Variants in SPP2 observed in about 807,000 individuals in gnomAD.
SPP2 encodes secreted phosphoprotein 24.
In SPP2, 34 loss-of-function variants were observed where a neutral mutation model predicts 28.8. The ratio of observed to expected loss-of-function variants is 1.18; its 90% CI spans 0.90 to 1.57. The LOEUF (loss-of-function observed/expected upper bound fraction) is 1.57. SPP2 is among the 40% of genes most tolerant of loss of function. SPP2 has a pLI of 0.00. For missense variants in SPP2, 269 were observed against 263.9 expected, an observed-to-expected ratio of 1.02 and a Z score of -0.13; for synonymous variants, 96 against 89.4, an observed-to-expected ratio of 1.07 and a Z score of -0.42.
In SPP2 at chr2:234,058,953, T is replaced by G. The variant is rs200097563; in HGVS notation, c.328T>G (p.Tyr110Asp). 784 of 1,613,112 alleles carry G rather than the reference T, an allele frequency of 4.9e-4. No individual in the cohort carries two copies. Among genetic ancestry groups the G allele is most frequent in the Non-Finnish European group, 6.2e-4 (737 of 1,179,648 alleles). Residue 110 changes from tyrosine to aspartate, a missense_variant, in exon 3 of 8, where the codon TAT (tyrosine) becomes GAT (aspartate). By Grantham distance (160) the Tyr-to-Asp change is radical. Coordinates refer to ENST00000168148, the MANE Select transcript of SPP2 (RefSeq NM_006944.3). The stretch of plus-strand genomic sequence containing the variant: ...TACATGTGCCTTCCAGAGGGACTAC[T>G]ATGTGGTAAGTGGGAGGAGACCCAT... ...PATCAFQRDY[Y>D]VSTAVCRSTV...
intron 4 of SPP2, among the ~76,000 whole-genome samples, chr2:234,061,592 T>A (rs1009927258): frequency 2.0e-5 from 3 of 152,234 alleles, no homozygotes; most frequent in Non-Finnish European, 4.4e-5. Context: ...TACATTAAAA[T>A]ATTATAAAAT....
rs931698723 is a variant in SPP2, at chr2:234,077,037, G to A, written c.*203G>A. On this transcript the variant is annotated 3_prime_UTR_variant, in exon 8 of 8. Coordinates refer to ENST00000168148, the MANE Select transcript of SPP2 (RefSeq NM_006944.3). ...TTTCTCTTAACAGCAAAATGCAATG[G>A]AAGGAAGAAAAGTTCCAACAAAGAA... 4.6e-5 allele frequency: 7 copies of A among 152,126 alleles called. No individual in the cohort carries two copies. Among genetic ancestry groups the A allele is most frequent in the Non-Finnish European group, 1.0e-4 (7 of 68,026 alleles). 9.4% of individuals were successfully genotyped at this position (152,126 alleles called of 1,614,324 possible).
chr2:234,057,415 A>G (rs1047948089), intron 2 of SPP2, among the ~76,000 whole-genome samples: 3 of 152,152 alleles, frequency 2.0e-5, no homozygotes, highest in Admixed American at 6.5e-5. Context: ...GCTTCTTCCC[A>G]TCCTTCAAGG....
At chr2:234,060,764 CACACACGCACACAT>C (rs1251295247) in intron 4 of SPP2, among the ~76,000 whole-genome samples, 7 of 147,030 alleles carry the variant, frequency 4.8e-5, no homozygotes, top group East Asian at 1.9e-4. Flanking sequence ...CACACACATG[CACACACGCACACAT>C]ACACACGCAC....
chr2:234,076,174 C>T (rs1158261855), intron 7 of SPP2, among the ~76,000 whole-genome samples: 3 of 152,108 alleles, frequency 2.0e-5, no homozygotes, highest in African/African-American at 7.2e-5. Context: ...CAACAGTCCT[C>T]GCCCACACAC....
intron 2 of SPP2, among the ~76,000 whole-genome samples, chr2:234,055,492 G>C (rs901386242): frequency 2.0e-5 from 3 of 152,136 alleles, no homozygotes; most frequent in Non-Finnish European, 2.9e-5. Context: ...AAATATCTGG[G>C]CACCATGGTT....
chr2:234,057,228 C>T (rs546645633), intron 2 of SPP2, among the ~76,000 whole-genome samples: 1 of 152,246 alleles, frequency 6.6e-6, no homozygotes, highest in East Asian at 1.9e-4. Context: ...TAGCATCTCG[C>T]TGCAGTGAGA....
intron 3 of SPP2, 88 bp downstream of exon 3, chr2:234,059,046 G>A (rs1271548974): frequency 8.7e-6 from 13 of 1,488,832 alleles, no homozygotes; most frequent in Middle Eastern, 3.6e-4. Context: ...GAACTTGGTC[G>A]CTGCCTGGCT....
chr2:234,059,826 A>T (rs1693682232), intron 3 of SPP2, among the ~76,000 whole-genome samples: 1 of 152,218 alleles, frequency 6.6e-6, no homozygotes, highest in South Asian at 2.1e-4. Context: ...ACCCATGGGC[A>T]ATAATCCCAT....
chr2:234,065,380 A>G (rs1459495615), intron 4 of SPP2, among the ~76,000 whole-genome samples: 2 of 152,128 alleles, frequency 1.3e-5, no homozygotes, highest in African/African-American at 2.4e-5. Context: ...CCTGGGTTCA[A>G]GCAATTGTAG....
chr2:234,074,992 C>G lies in SPP2; in HGVS notation c.*11-1853C>G, dbSNP rs907177078. ...ACAGTGACGTCATCAACAAAAAGCA[C>G]AAAAATGCAAAAAAAAAAAAAAAAA... On this transcript the variant is annotated intron_variant, in intron 7 of 7. Coordinates refer to ENST00000168148, the MANE Select transcript of SPP2 (RefSeq NM_006944.3). 1.0e-4 allele frequency among the ~76,000 whole-genome samples: 4 copies of G among 39,276 alleles called. No individual in the cohort carries two copies. In the South Asian group the frequency reaches 3.9e-3, roughly 39 times the overall value. 25.8% of individuals were successfully genotyped at this position (39,276 alleles called of 152,430 possible). A position where few individuals can be genotyped will look rare whatever the true frequency, so the allele number is the denominator to read the frequency against.
chr2:234,064,193 C>G (rs1200534236), intron 4 of SPP2, among the ~76,000 whole-genome samples: 1 of 150,832 alleles, frequency 6.6e-6, no homozygotes, highest in African/African-American at 2.4e-5. Flanking sequence ...TCCTCCCTCT[C>G]CCTCTCCTTC....
chr2:234,064,780 G>C (rs1222680331), intron 4 of SPP2, among the ~76,000 whole-genome samples: 1 of 152,156 alleles, frequency 6.6e-6, no homozygotes, highest in African/African-American at 2.4e-5. Flanking sequence ...TGTCCATTCT[G>C]ATCATTTCAT....
At chr2:234,060,210 G>A (rs976662067) in intron 3 of SPP2, among the ~76,000 whole-genome samples, 159 bp from the exon 4 acceptor site, 11 of 152,086 alleles carry the variant, frequency 7.2e-5, no homozygotes, top group African/African-American at 1.7e-4. Flanking sequence ...TTTCTGCTTC[G>A]GTCTTGAGGA....
chr2:234,060,319 C>T (rs1574827671), intron 3 of SPP2, 50 bp from the exon 4 acceptor site: 1 of 1,272,906 alleles, frequency 7.9e-7, no homozygotes, highest in Non-Finnish European at 1.1e-6. Flanking sequence ...TGGAGGCTAT[C>T]CCTTTCCACA....
intron 4 of SPP2, among the ~76,000 whole-genome samples, chr2:234,065,073 T>C (rs1397380282): frequency 6.6e-6 from 1 of 152,222 alleles, no homozygotes; most frequent in Admixed American, 6.5e-5. Flanking sequence ...CTGGATCATA[T>C]AGTAACTCTA....
At chr2:234,057,826 A>G (rs944947489) in intron 2 of SPP2, among the ~76,000 whole-genome samples, 2 of 152,222 alleles carry the variant, frequency 1.3e-5, no homozygotes, top group South Asian at 2.1e-4. Context: ...TGCAGAGAGC[A>G]CTCGTTGCTC....
Position 234,050,707 on chromosome 2 carries a change from T to C in SPP2, c.-80T>C. 1.6e-6 allele frequency: 2 copies of C among 1,223,482 alleles called. No homozygotes were observed. The highest frequency in any genetic ancestry group is 2.4e-6 in the Non-Finnish European group (2 of 835,850). The allele number at this position is 1,223,482 out of a possible 1,614,324, so 75.8% of individuals were successfully genotyped here. On this transcript the variant is annotated 5_prime_UTR_variant, in exon 1 of 8. Transcript: ENST00000168148. Reference sequence around the variant, plus strand: ...TGCAGTCAAAATAAGCAGCCAGTGTTTGATAAAGACAGCTCCTCTTAGGAA... The same window carrying C: ...TGCAGTCAAAATAAGCAGCCAGTGTCTGATAAAGACAGCTCCTCTTAGGAA...
chr2:234,051,063 C>G lies in SPP2; in HGVS notation c.178C>G (p.Leu60Val), dbSNP rs758641331. Residue 60 changes from leucine (L) to valine (V), a missense_variant, in exon 2 of 8, where the codon CTG becomes GTG. By Grantham distance (32) the Leu-to-Val change is conservative. Transcript: ENST00000168148. The stretch of plus-strand genomic sequence containing the variant: ...GAATTCCCAGTCACTGAGTCCGTAT[C>G]TGTTTCGGGCATTCAGAAGCTCATT... Reference protein sequence around the residue: ...KVNSQSLSPYLFRAFRSSLKR... With the variant: ...KVNSQSLSPYVFRAFRSSLKR... The G allele has an allele frequency of 1.2e-6, 2 of 1,613,988 alleles. No homozygotes were observed. Among genetic ancestry groups the G allele is most frequent in the East Asian group, 4.5e-5 (2 of 44,872 alleles).
Sources: allele counts gnomAD v4.1 joint callset (sites outside exome capture counted in the v4.1 genomes callset), GRCh38; gene constraint gnomAD v4.1.1; transcripts MANE v1.5; gene names NCBI Gene and HGNC (gene_info 2026-07-23, HGNC 2026-07-21).